The following NUP210L variants were observed in gnomAD, a reference collection of about 807,000 sequenced individuals.
The protein encoded by NUP210L is nuclear pore membrane glycoprotein 210-like.
Under a neutral mutation model 208.5 loss-of-function variants are expected in NUP210L, and 74 were observed. The observed-to-expected ratio is 0.35, with a 90% CI of 0.29 to 0.43. NUP210L has a LOEUF of 0.43. Among genes scored for constraint, NUP210L ranks in the 20% least tolerant of loss-of-function variants. NUP210L has a pLI of 1.00. For missense variants in NUP210L, 1,843 were observed against 2,289.4 expected (o/e 0.81, Z 3.98); for synonymous variants, 780 against 816.9 (o/e 0.95, Z 0.77).
chr1:154,058,699 A>C lies in NUP210L; in HGVS notation c.2851-6T>G. On this transcript the variant is annotated splice_region_variant and splice_polypyrimidine_tract_variant and intron_variant, in intron 20 of 39. Transcript: ENST00000368559. ...CCAGGATGTAATGGAACTAACTGGA[A>C]GTAAGAAGATGGTAGCTGGATAAAG... The C allele has an allele frequency of 1.2e-6, 2 of 1,612,590 alleles. No individual in the cohort carries two copies. Among genetic ancestry groups the C allele is most frequent in the Non-Finnish European group, 1.7e-6 (2 of 1,179,262 alleles).
At chr1:154,126,643 C>T (rs1657994367) in intron 9 of NUP210L, among the ~76,000 whole-genome samples, 180 bp from the exon 10 acceptor site, 1 of 152,124 alleles carries the variant, frequency 6.6e-6, no homozygotes, top group Non-Finnish European at 1.5e-5. Context: ...TAAAATGGGA[C>T]TAGTTTTTGA....
chr1:154,030,017 A>C (rs143095448), exon 28 of NUP210L: 15 of 1,610,090 alleles, frequency 9.3e-6, no homozygotes, highest in Non-Finnish European at 1.2e-5. Context: ...ATGGACAACC[A>C]TGGCAAAGTT....
intron 24 of NUP210L, 130 bp from the exon 25 acceptor site, chr1:154,054,537 A>G: frequency 1.2e-6 from 1 of 862,850 alleles, no homozygotes; most frequent in East Asian, 2.6e-5. Flanking sequence ...TCCCATATCA[A>G]CTCAAATGCA....
At chr1:154,065,034 C>T (rs1654327092) in intron 17 of NUP210L, among the ~76,000 whole-genome samples, 2 of 151,148 alleles carry the variant, frequency 1.3e-5, no homozygotes, top group Admixed American at 6.6e-5. Context: ...CGAGATTGTG[C>T]CACTGTATTC....
At chr1:154,028,756 T>C (rs188215154) in intron 28 of NUP210L, among the ~76,000 whole-genome samples, 1 of 152,156 alleles carries the variant, frequency 6.6e-6, no homozygotes, top group East Asian at 1.9e-4. Context: ...TCTTTTTTTT[T>C]CCAGACTACT....
chr1:154,008,451 G>A (rs1448880855), intron 35 of NUP210L, among the ~76,000 whole-genome samples: 1 of 152,112 alleles, frequency 6.6e-6, no homozygotes, highest in African/African-American at 2.4e-5. Context: ...TCTAACGCCT[G>A]TAATCCCAAC....
chr1:154,118,529 A>G, intron 11 of NUP210L, 142 bp downstream of exon 11: 1 of 502,674 alleles, frequency 2.0e-6, no homozygotes, highest in Non-Finnish European at 3.4e-6. Flanking sequence ...ATTTTTCAAG[A>G]GTATAATTTT....
intron 30 of NUP210L, 91 bp downstream of exon 30, chr1:154,025,451 A>AT (rs1651824654): frequency 1.1e-6 from 1 of 872,882 alleles, no homozygotes; most frequent in Non-Finnish European, 1.6e-6. Flanking sequence ...TGATAAGAAA[A>AT]TTTCTAGTTT....
chr1:154,030,076 T>C, intron 27 of NUP210L, 22 bp from the exon 28 acceptor site: 2 of 1,486,376 alleles, frequency 1.3e-6, no homozygotes, highest in Non-Finnish European at 9.0e-7. Context: ...AGGGATAGAT[T>C]AAGAAATATT....
At chr1:154,139,525 T>A (rs539230847) in intron 5 of NUP210L, among the ~76,000 whole-genome samples, 1 of 152,228 alleles carries the variant, frequency 6.6e-6, no homozygotes, top group African/African-American at 2.4e-5. Flanking sequence ...GCAAGACTAT[T>A]AAATGAAAAA....
chr1:154,036,327 TG>T (rs1652543279), intron 27 of NUP210L, among the ~76,000 whole-genome samples: 1 of 111,296 alleles, frequency 9.0e-6, no homozygotes. Context: ...TGTGTGTGTG[TG>T]TGTGTGTGTG....
intron 17 of NUP210L, among the ~76,000 whole-genome samples, chr1:154,065,454 A>C (rs1654355566): frequency 6.6e-6 from 1 of 152,190 alleles, no homozygotes; most frequent in Non-Finnish European, 1.5e-5. Context: ...AAAATGATTT[A>C]ATTTTATGTT....
intron 20 of NUP210L, among the ~76,000 whole-genome samples, chr1:154,059,136 A>G (rs933123770): frequency 2.6e-5 from 4 of 152,112 alleles, no homozygotes; most frequent in African/African-American, 9.7e-5. Flanking sequence ...GGAGTTTGAG[A>G]CAAGCCTGGG....
At position 154,061,814 on chromosome 1, in the gene NUP210L, C is replaced by T. The variant is rs993878461; in HGVS notation, c.2555-140G>A. ...AGGAAAAACTCTCAATGGGGAAATA[C>T]ATAAGAAAAAACTGTTTTTTGTTTT... On this transcript the variant is annotated intron_variant, in intron 17 of 39. Transcript: ENST00000368559. 12 of 639,428 alleles carry T rather than the reference C, an allele frequency of 1.9e-5. 1 individual carries two copies. In the South Asian group the frequency reaches 2.2e-4, roughly 12 times the overall value. 39.6% of individuals were successfully genotyped at this position (639,428 alleles called of 1,614,324 possible). A position where few individuals can be genotyped will look rare whatever the true frequency, so the allele number is the denominator to read the frequency against.
intron 10 of NUP210L, among the ~76,000 whole-genome samples, chr1:154,125,061 T>C (rs1417493112): frequency 6.6e-6 from 1 of 152,124 alleles, no homozygotes; most frequent in Non-Finnish European, 1.5e-5. Flanking sequence ...TCCCAGCACT[T>C]TGGGAGGCTG....
At chr1:154,057,969 A>C in intron 22 of NUP210L, 120 bp downstream of exon 22, 1 of 1,096,358 alleles carries the variant, frequency 9.1e-7, no homozygotes. Flanking sequence ...AATGTATTCT[A>C]ACAGAAAAGG....
At chr1:153,995,465 C>CGCGT (rs529711744) in intron 37 of NUP210L, among the ~76,000 whole-genome samples, 152 of 152,260 alleles carry the variant, frequency 1.0e-3, no homozygotes, top group Non-Finnish European at 1.8e-3. Context: ...TTGGCTCAAC[C>CGCGT]GCGTCTTTTT....
At chr1:154,038,337 CT>C (rs993828789) in intron 27 of NUP210L, among the ~76,000 whole-genome samples, 2,248 of 134,548 alleles carry the variant, frequency 0.017, 9 homozygotes, top group Admixed American at 0.023. Context: ...TTTTCTTTTT[CT>C]TTTTTTTTTT....
chr1:154,037,076 A>G (rs56207744), intron 27 of NUP210L, among the ~76,000 whole-genome samples: 1 of 152,156 alleles, frequency 6.6e-6, no homozygotes, highest in Non-Finnish European at 1.5e-5. Context: ...AATTTTTTTA[A>G]TTTTTAAAAA....
Sources: allele counts gnomAD v4.1 joint callset (sites outside exome capture counted in the v4.1 genomes callset), GRCh38; gene constraint gnomAD v4.1.1; transcripts MANE v1.5; gene names NCBI Gene and HGNC (gene_info 2026-07-23, HGNC 2026-07-21).